Variants in CELSR1 observed in about 807,000 individuals in gnomAD.
CELSR1 encodes adhesion G protein-coupled receptor C1.
CELSR1 carries 110 observed loss-of-function variants against 249.1 expected under a neutral mutation model. That is an observed-to-expected ratio of 0.44 (90% CI 0.38 to 0.52). CELSR1 has a LOEUF of 0.52. Ranked by LOEUF, CELSR1 falls within the 20% of genes least tolerant of loss-of-function variation. The pLI is 0.00. For synonymous variants in CELSR1, 2,113 were observed against 1,900.0 expected (o/e 1.11, Z -2.92); for missense variants, 4,109 against 4,296.4 (o/e 0.96, Z 1.22).
chr22:46,371,377 G>A (rs138183040), intron 25 of CELSR1, among the ~76,000 whole-genome samples: 30 of 152,240 alleles, frequency 2.0e-4, no homozygotes, highest in African/African-American at 4.1e-4. Flanking sequence ...CTCAGACTGC[G>A]TCTAATCCCC....
Position 46,464,214 on chromosome 22 carries a change from G to A in CELSR1, c.3676C>T (p.Leu1226Phe). The A allele has an allele frequency of 2.5e-6, 4 of 1,613,770 alleles. No homozygotes were observed. The African/African-American group carries it at 5.3e-5, about 21-fold the overall frequency. The change falls in exon 2 of 35, where the codon CTC becomes TTC. Residue 1226 changes from leucine to phenylalanine, a missense_variant. Coordinates refer to ENST00000674500, the MANE Select transcript of CELSR1 (RefSeq NM_001378328.1). This position sits in a 1 kb window ranked among gnomAD's most constrained non-coding sequence, Gnocchi z 8.5. The part of the protein sequence containing the change: ...QEKFLSPLLA[L>F]FVEGVAAVLS... ...ACGGCGGCCACCCCCTCCACGAAGA[G>A]GGCCAGCAGCGGGGACAGGAACTTC...
intron 1 of CELSR1, among the ~76,000 whole-genome samples, chr22:46,503,316 G>A (rs946201551): frequency 1.3e-5 from 2 of 152,182 alleles, no homozygotes; most frequent in South Asian, 2.1e-4. Flanking sequence ...CATGCCAGAC[G>A]CTACCAGGGC....
In CELSR1 at chr22:46,396,072, G is replaced by A. The variant is rs2079144537; in HGVS notation, c.5843+533C>T. On this transcript the variant is annotated intron_variant, in intron 13 of 34. Coordinates refer to ENST00000674500, the MANE Select transcript of CELSR1 (RefSeq NM_001378328.1). The surrounding 1 kb of genome is among the most constrained non-coding windows in gnomAD (Gnocchi z 6.4). ...GGTGAGTCATTTGCATGTTTCAGGT[G>A]TGGACACATGATCCAATGGGGTTAG... is the stretch of plus-strand genomic sequence containing the variant. Among the ~76,000 whole-genome samples the A allele has an allele frequency of 6.6e-6, 1 of 152,194 alleles. No individual in the cohort carries two copies. Among genetic ancestry groups the A allele is most frequent in the African/African-American group, 2.4e-5 (1 of 41,450 alleles).
intron 24 of CELSR1, 152 bp from the exon 25 acceptor site, chr22:46,373,209 G>T: frequency 1.2e-6 from 1 of 847,602 alleles, no homozygotes; most frequent in Non-Finnish European, 1.7e-6. Flanking sequence ...CTGGCCAATG[G>T]CTGAGAGCCA....
chr22:46,412,982 C>G lies in CELSR1; in HGVS notation c.4612-1223G>C, dbSNP rs964023425. On this transcript the variant is annotated intron_variant, in intron 5 of 34. Coordinates refer to ENST00000674500, the MANE Select transcript of CELSR1 (RefSeq NM_001378328.1). This position sits in a 1 kb window ranked among gnomAD's most constrained non-coding sequence, Gnocchi z 4.5. The stretch of plus-strand genomic sequence containing the variant: ...CCTCCCCCTCCACCCCAGAGAGAAC[C>G]TTTTCTTCCAGTCCCAGCAGGGTCC... 1.3e-5 allele frequency among the ~76,000 whole-genome samples: 2 copies of G among 152,198 alleles called. No individual in the cohort carries two copies. The highest frequency in any genetic ancestry group is 4.8e-5 in the African/African-American group (2 of 41,440).
intron 25 of CELSR1, chr22:46,370,038 G>A (rs747798395): frequency 4.9e-6 from 3 of 618,222 alleles, no homozygotes; most frequent in East Asian, 6.7e-5. Context: ...GCCCCATGAG[G>A]CAGGGGGCGT....
intron 30 of CELSR1, 82 bp downstream of exon 30, chr22:46,366,304 G>T (rs2078780164): frequency 1.8e-6 from 2 of 1,092,146 alleles, no homozygotes; most frequent in Non-Finnish European, 2.6e-6. Flanking sequence ...TGGTTGAATG[G>T]CAGGACACAG....
chr22:46,524,867 G>A (rs577655928), intron 1 of CELSR1, among the ~76,000 whole-genome samples: 4 of 152,260 alleles, frequency 2.6e-5, no homozygotes, highest in South Asian at 4.1e-4. Flanking sequence ...GGGGCTGTCC[G>A]TGCTTCTGCG....
Position 46,536,507 on chromosome 22 carries a change from A to C in CELSR1, c.664T>G (p.Leu222Val), listed in dbSNP as rs1181184977. 2.2e-5 allele frequency: 34 copies of C among 1,530,900 alleles called. No individual in the cohort carries two copies. The highest frequency in any genetic ancestry group is 3.0e-5 in the Non-Finnish European group (34 of 1,143,438). 94.8% of individuals were successfully genotyped at this position (1,530,900 alleles called of 1,614,324 possible). A position where few individuals can be genotyped will look rare whatever the true frequency, so the allele number is the denominator to read the frequency against. Residue 222 changes from leucine to valine, a missense_variant, in exon 1 of 35, where the codon TTG becomes GTG. Leu to Val is a conservative substitution (Grantham distance 32, BLOSUM62 1). Coordinates refer to ENST00000674500, the MANE Select transcript of CELSR1 (RefSeq NM_001378328.1). ...PSPSPPLPPN[L>V]PEARAGPARR... is the part of the protein sequence containing the mutation. ...GCCGGCCCCGCCCGGGCTTCGGGCA[A>C]GTTCGGCGGCAGGGGCGGCGATGGG...
rs767048678 is a variant in CELSR1, at chr22:46,386,417, C to T, written c.6724G>A (p.Val2242Ile). 8 of 1,580,556 alleles carry T rather than the reference C, an allele frequency of 5.1e-6. No homozygotes were observed. The highest frequency in any genetic ancestry group is 2.3e-5 in the East Asian group (1 of 43,634). ...AGCGCCTTACTCATGTTGGCGGTGA[C>T]GATGACGAAGGGCCGCAGGTACGTC... ...RRTYLRPFVIVTANMILAVDI... is the reference protein window; with the variant it reads ...RRTYLRPFVIITANMILAVDI... The change falls in exon 19 of 35, where the codon GTC becomes ATC. Residue 2242 changes from valine (V) to isoleucine (I), a missense_variant. Transcript: ENST00000674500.
At position 46,446,540 on chromosome 22, in the gene CELSR1, G is replaced by A. The variant is rs573260937; in HGVS notation, c.4184-7129C>T. ...AGTCTGAGACTGTCAGGCACACAGC[G>A]AGTGCCGAATAAATGCCTGGTGTGT... On this transcript the variant is annotated intron_variant, in intron 2 of 34. Coordinates refer to ENST00000674500, the MANE Select transcript of CELSR1 (RefSeq NM_001378328.1). This position sits in a 1 kb window ranked among gnomAD's most constrained non-coding sequence, Gnocchi z 5.5. 3.9e-5 allele frequency among the ~76,000 whole-genome samples: 6 copies of A among 152,274 alleles called. No homozygotes were observed. The South Asian group carries it at 1.0e-3, about 26-fold the overall frequency.
At position 46,382,022 on chromosome 22, in the gene CELSR1, C is replaced by T; in HGVS notation, c.6912G>A (p.Arg2304=). The change falls in exon 21 of 35, where the codon CGG becomes CGA. Residue 2304 remains arginine, a synonymous_variant. Coordinates refer to ENST00000674500, the MANE Select transcript of CELSR1 (RefSeq NM_001378328.1). ...GGCGCGTGGTCTGCGGGGTGGTCCT[C>T]CGGCCAGCCGGCCTCAGCAGGGGGC... ...KEGPLLRPAG[R]RTTPQTTRPG... 6.5e-7 allele frequency: 1 copy of T among 1,549,658 alleles called. No homozygotes were observed. Among genetic ancestry groups the T allele is most frequent in the Admixed American group, 1.9e-5 (1 of 52,400 alleles).
intron 2 of CELSR1, among the ~76,000 whole-genome samples, chr22:46,457,988 G>A (rs2079976755): frequency 6.6e-6 from 1 of 152,246 alleles, no homozygotes; most frequent in African/African-American, 2.4e-5. Flanking sequence ...CACGGTGCCT[G>A]CTGCAGACCC....
intron 1 of CELSR1, among the ~76,000 whole-genome samples, chr22:46,478,154 C>G (rs1234686013): frequency 6.6e-6 from 1 of 152,222 alleles, no homozygotes; most frequent in Non-Finnish European, 1.5e-5. Flanking sequence ...GAGCTCAGGG[C>G]TCCTTGGCTC....
In CELSR1 at chr22:46,398,636, T is replaced by C. The variant is rs2079177684; in HGVS notation, c.5414A>G (p.Asn1805Ser). 11 of 1,611,644 alleles carry C rather than the reference T, an allele frequency of 6.8e-6. No homozygotes were observed. The highest frequency in any genetic ancestry group is 9.3e-6 in the Non-Finnish European group (11 of 1,178,976). The stretch of plus-strand genomic sequence containing the variant: ...AAGCATGCCCCCGATATCTGCCTTG[T>C]TCTGTGCGGAGAGAGGGGCCGGGGA... ...TMTLDYGMDQ[N>S]KADIGGMLPG... Residue 1805 changes from asparagine to serine, a missense_variant and splice_region_variant, in exon 11 of 35, where the codon AAC becomes AGC. Physicochemically the swap from Asn to Ser is conservative, Grantham distance 46. Around this residue, in one of 7 missense-constraint regions of CELSR1, gnomAD observed 1,805 missense variants for 1,831.6 expected, o/e 0.99. Coordinates refer to ENST00000674500, the MANE Select transcript of CELSR1 (RefSeq NM_001378328.1). The surrounding 1 kb of genome is among the most constrained non-coding windows in gnomAD (Gnocchi z 7.2).
At chr22:46,394,365 G>T in intron 13 of CELSR1, 103 bp from the exon 14 acceptor site, 1 of 1,395,614 alleles carries the variant, frequency 7.2e-7, no homozygotes, top group African/African-American at 1.4e-5. Context: ...CAGGAGGCCT[G>T]GCTGGGTCCA....
At position 46,408,891 on chromosome 22, in the gene CELSR1, G is replaced by T; in HGVS notation, c.5226+105C>A. 1.1e-6 allele frequency: 1 copy of T among 902,394 alleles called. No homozygotes were observed. Among genetic ancestry groups the T allele is most frequent in the Non-Finnish European group, 1.6e-6 (1 of 618,206 alleles). The allele number at this position is 902,394 out of a possible 1,614,324, so 55.9% of individuals were successfully genotyped here. A position where few individuals can be genotyped will look rare whatever the true frequency, so the allele number is the denominator to read the frequency against. ...ACCCCAGGGGCGGGCGCCGGAGGAA[G>T]GGCGAGTAGCAGGTGCCCGAGTGTG... is the stretch of plus-strand genomic sequence containing the variant. On this transcript the variant is annotated intron_variant, in intron 9 of 34. Transcript: ENST00000674500. The surrounding 1 kb of genome is among the most constrained non-coding windows in gnomAD (Gnocchi z 4.6).
At position 46,439,769 on chromosome 22, in the gene CELSR1, C is replaced by T. The variant is rs1037660216; in HGVS notation, c.4184-358G>A. 4.6e-5 allele frequency among the ~76,000 whole-genome samples: 7 copies of T among 152,178 alleles called. No homozygotes were observed. In the South Asian group the frequency reaches 1.0e-3, roughly 23 times the overall value. The stretch of plus-strand genomic sequence containing the variant: ...CTGAGCTGGACTCTTCTGAGGGGAA[C>T]GCCTAGAAACAGACCAGAGCACCTC... On this transcript the variant is annotated intron_variant, in intron 2 of 34. Transcript: ENST00000674500.
At chr22:46,365,175 T>G in intron 32 of CELSR1, 56 bp downstream of exon 32, 1 of 1,568,952 alleles carries the variant, frequency 6.4e-7, no homozygotes, top group Non-Finnish European at 8.6e-7. Flanking sequence ...AGCCAAGGCC[T>G]GCCCCGAGCC....
Sources: gnomAD v4.1 joint callset for allele counts (sites outside exome capture counted in the v4.1 genomes callset) on GRCh38, gnomAD v4.1.1 for gene constraint, gnomAD v4.1.1 regional missense constraint, Gnocchi (gnomAD v3.1) non-coding constraint, MANE v1.5 for transcripts, NCBI Gene and HGNC (gene_info 2026-07-23, HGNC 2026-07-21) for gene names.